KCNT2: variants seen among roughly 807,000 people sequenced by gnomAD.
KCNT2 encodes potassium channel subfamily T member 2.
In KCNT2, 67 loss-of-function variants were observed where a neutral mutation model predicts 153.8. That is an observed-to-expected ratio of 0.44 (90% CI 0.36 to 0.53). The LOEUF is 0.53. Ranked by LOEUF, KCNT2 falls within the 20% of genes least tolerant of loss-of-function variation. The pLI is 0.00. For missense variants in KCNT2, 975 were observed against 1,354.8 expected (o/e 0.72, Z 4.40); for synonymous variants, 500 against 458.8 (o/e 1.09, Z -1.15).
At chr1:196,295,372 T>C (rs1273983195) in intron 22 of KCNT2, among the ~76,000 whole-genome samples, 1 of 151,976 alleles carries the variant, frequency 6.6e-6, no homozygotes, top group Non-Finnish European at 1.5e-5. Context: ...GTATGACTTA[T>C]TATTGTTCAA....
chr1:196,296,273 A>G (rs1202550592), intron 22 of KCNT2, among the ~76,000 whole-genome samples: 2 of 152,024 alleles, frequency 1.3e-5, no homozygotes, highest in Non-Finnish European at 2.9e-5. Flanking sequence ...TATGATAGTT[A>G]TAGAAATTAC....
chr1:196,312,153 T>C (rs539093356), intron 21 of KCNT2, among the ~76,000 whole-genome samples: 249 of 151,812 alleles, frequency 1.6e-3, no homozygotes, highest in African/African-American at 5.3e-3. Context: ...AAAAACCCTT[T>C]TGGGGAGAGA....
chr1:196,502,433 A>G (rs1191631089), intron 1 of KCNT2, among the ~76,000 whole-genome samples: 2 of 152,184 alleles, frequency 1.3e-5, no homozygotes, highest in Non-Finnish European at 2.9e-5. Flanking sequence ...AGCTACTCAC[A>G]CACATAGAGA....
At position 196,227,456 on chromosome 1, in the gene KCNT2, C is replaced by T. The variant is rs771718269; in HGVS notation, c.*768G>A. 6.6e-6 allele frequency: 1 copy of T among 151,998 alleles called. No individual in the cohort carries two copies. The highest frequency in any genetic ancestry group is 1.5e-5 in the Non-Finnish European group (1 of 67,898). The allele number at this position is 151,998 out of a possible 1,614,324, so 9.4% of individuals were successfully genotyped here. The stretch of plus-strand genomic sequence containing the variant: ...TCAACAAATGTGTATTAAGTATTTT[C>T]TCTATGCTAGGCATTCGTTTAGGAG... On this transcript the variant is annotated 3_prime_UTR_variant, in exon 28 of 28. Transcript: ENST00000294725.
intron 4 of KCNT2, among the ~76,000 whole-genome samples, chr1:196,481,336 A>C (rs1213065485): frequency 2.6e-5 from 4 of 152,208 alleles, no homozygotes; most frequent in Non-Finnish European, 5.9e-5. Flanking sequence ...AGGGTGGATG[A>C]TGAGAAATTG....
At chr1:196,547,137 C>G (rs146166114) in intron 1 of KCNT2, among the ~76,000 whole-genome samples, 339 of 152,068 alleles carry the variant, frequency 2.2e-3, no homozygotes, top group Non-Finnish European at 3.9e-3. Flanking sequence ...GTACTCATCA[C>G]ACTTCCTTGT....
chr1:196,377,918 A>G (rs1669110511), intron 13 of KCNT2, among the ~76,000 whole-genome samples: 1 of 152,110 alleles, frequency 6.6e-6, no homozygotes, highest in African/African-American at 2.4e-5. Context: ...TTCAGATGAT[A>G]CCAAGGTATC....
intron 8 of KCNT2, among the ~76,000 whole-genome samples, chr1:196,436,848 G>A (rs1674708021): frequency 6.7e-6 from 1 of 148,706 alleles, no homozygotes; most frequent in Non-Finnish European, 1.5e-5. Flanking sequence ...TTACAACCAA[G>A]TTAAACAATT....
At chr1:196,545,755 TTG>T (rs1288207536) in intron 1 of KCNT2, among the ~76,000 whole-genome samples, 1 of 116,686 alleles carries the variant, frequency 8.6e-6, no homozygotes, top group Non-Finnish European at 1.6e-5. Flanking sequence ...TTAATATAAT[TTG>T]TGTTTTCATA....
At chr1:196,396,839 T>C (rs560707155) in intron 13 of KCNT2, among the ~76,000 whole-genome samples, 2 of 151,440 alleles carry the variant, frequency 1.3e-5, no homozygotes, top group African/African-American at 4.8e-5. Flanking sequence ...GTCCGTATTT[T>C]TTTTTAGCAG....
intron 14 of KCNT2, among the ~76,000 whole-genome samples, chr1:196,346,918 C>T (rs1407259119): frequency 6.6e-6 from 1 of 151,974 alleles, no homozygotes; most frequent in Non-Finnish European, 1.5e-5. Context: ...AGTAGATGTT[C>T]AAAAATATTT....
intron 8 of KCNT2, among the ~76,000 whole-genome samples, chr1:196,463,755 A>G (rs1677363690): frequency 6.6e-6 from 1 of 151,800 alleles, no homozygotes; most frequent in Non-Finnish European, 1.5e-5. Flanking sequence ...ATCCTTTCGC[A>G]TAAGAAAATG....
At chr1:196,477,812 A>G (rs1162883021) in intron 5 of KCNT2, among the ~76,000 whole-genome samples, 1 of 152,198 alleles carries the variant, frequency 6.6e-6, no homozygotes, top group Non-Finnish European at 1.5e-5. Context: ...CTCCATCAAC[A>G]TAAGCCTTAG....
intron 8 of KCNT2, among the ~76,000 whole-genome samples, chr1:196,463,506 A>T (rs1172224799): frequency 6.6e-6 from 1 of 151,780 alleles, no homozygotes; most frequent in East Asian, 1.9e-4. Context: ...ATGTTATGTA[A>T]TTATTGCACA....
At chr1:196,320,544 C>G (rs1386750520) in intron 19 of KCNT2, among the ~76,000 whole-genome samples, 1 of 151,646 alleles carries the variant, frequency 6.6e-6, no homozygotes, top group African/African-American at 2.4e-5. Flanking sequence ...GTTTGTTCAG[C>G]ATATGAGGAG....
intron 8 of KCNT2, among the ~76,000 whole-genome samples, chr1:196,451,407 ATTTTTTTTTTTT>A (rs35621901): frequency 7.9e-5 from 5 of 62,894 alleles, no homozygotes; most frequent in African/African-American, 3.4e-4. Flanking sequence ...CACCCAACAC[ATTTTTTTTTTTT>A]TTTTTTTTTT....
At chr1:196,589,084 C>T (rs1291300636) in intron 1 of KCNT2, among the ~76,000 whole-genome samples, 9 of 151,946 alleles carry the variant, frequency 5.9e-5, no homozygotes, top group South Asian at 2.1e-4. Flanking sequence ...GAATATTATA[C>T]TATCAAAAGT....
intron 1 of KCNT2, among the ~76,000 whole-genome samples, chr1:196,555,248 A>G (rs142377781): frequency 1.3e-5 from 2 of 151,436 alleles, no homozygotes; most frequent in African/African-American, 4.8e-5. Context: ...TACATTTGGA[A>G]TAACCTAAAA....
chr1:196,243,925 C>A (rs1655185443), intron 26 of KCNT2, among the ~76,000 whole-genome samples: 1 of 151,800 alleles, frequency 6.6e-6, no homozygotes, highest in African/African-American at 2.4e-5. Flanking sequence ...CTCACAGCTG[C>A]AAGAGAGGCT....
Sources: gnomAD v4.1 joint callset for allele counts (sites outside exome capture counted in the v4.1 genomes callset) on GRCh38, gnomAD v4.1.1 for gene constraint, MANE v1.5 for transcripts, NCBI Gene and HGNC (gene_info 2026-07-23, HGNC 2026-07-21) for gene names.